CCDC91: variants seen among roughly 807,000 people sequenced by gnomAD.
CCDC91 encodes the protein coiled-coil domain containing 91.
Under a neutral mutation model 63.2 loss-of-function variants are expected in CCDC91, and 48 were observed. The observed-to-expected ratio is 0.76, with a 90% confidence interval of 0.60 to 0.97. CCDC91 has a LOEUF of 0.97. Ranked by LOEUF, CCDC91 falls within the 50% of genes least tolerant of loss-of-function variation. CCDC91 has a pLI of 0.00. For synonymous variants in CCDC91, 167 were observed against 165.8 expected, an observed-to-expected ratio of 1.01 and a Z score of -0.06; for missense variants, 500 against 494.6, an observed-to-expected ratio of 1.01 and a Z score of -0.10.
At chr12:28,228,885 G>C (rs1010342928) in intron 1 of CCDC91, among the ~76,000 whole-genome samples, 6 of 152,020 alleles carry the variant, frequency 3.9e-5, no homozygotes, top group African/African-American at 1.4e-4. Flanking sequence ...CTCAGTGTGG[G>C]TATATTTATC....
At chr12:28,432,736 A>G (rs974421889) in intron 8 of CCDC91, among the ~76,000 whole-genome samples, 4 of 152,148 alleles carry the variant, frequency 2.6e-5, no homozygotes, top group African/African-American at 9.7e-5. Flanking sequence ...GGTAAATACC[A>G]CAGAAGTGTG....
intron 12 of CCDC91, among the ~76,000 whole-genome samples, chr12:28,499,680 T>G (rs1474696815): frequency 1.3e-5 from 2 of 152,164 alleles, no homozygotes; most frequent in Non-Finnish European, 2.9e-5. Flanking sequence ...GAACTCATCC[T>G]TTTTTATGGT....
At chr12:28,510,237 A>ATGTGTGTGTGTGTGTG (rs60548491) in intron 12 of CCDC91, among the ~76,000 whole-genome samples, 3,947 of 149,106 alleles carry the variant, frequency 0.026, 147 homozygotes, top group African/African-American at 0.086. Flanking sequence ...TCAATAGGGC[A>ATGTGTGTGTGTGTGTG]TGTGTGTGTG....
intron 12 of CCDC91, among the ~76,000 whole-genome samples, chr12:28,533,776 G>A (rs114215474): frequency 0.012 from 1,801 of 150,224 alleles, 31 homozygotes; most frequent in African/African-American, 0.039. Flanking sequence ...ATGAGAACCA[G>A]ATTTTTAAAT....
At chr12:28,508,416 A>G (rs2141246488) in intron 12 of CCDC91, among the ~76,000 whole-genome samples, 1 of 151,672 alleles carries the variant, frequency 6.6e-6, no homozygotes, top group South Asian at 2.1e-4. Context: ...TATCCATGGG[A>G]CCTATAAGGC....
intron 6 of CCDC91, among the ~76,000 whole-genome samples, chr12:28,347,032 A>G (rs1285175568): frequency 6.6e-6 from 1 of 152,206 alleles, no homozygotes; most frequent in East Asian, 1.9e-4. Context: ...ATCAGTATAT[A>G]TGTATATATC....
rs114779196 is a variant in CCDC91 at position 28,294,876 on chromosome 12, C to T, written c.110-10773C>T. 5.9e-3 allele frequency among the ~76,000 whole-genome samples: 894 copies of T among 152,194 alleles called. 9 individuals carry two copies. The highest frequency in any genetic ancestry group is 0.02 in the African/African-American group (847 of 41,526). ...CTGGGATTACAGGTTTGAGCTACTA[C>T]GCTTGACCTAAACCTGCTTCTTTAT... is the stretch of plus-strand genomic sequence containing the variant. On this transcript the variant is annotated intron_variant, in intron 3 of 12. Transcript: ENST00000536442.
At chr12:28,197,544 G>A (rs780929113) in intron 1 of CCDC91, among the ~76,000 whole-genome samples, 2 of 152,022 alleles carry the variant, frequency 1.3e-5, no homozygotes, top group Admixed American at 6.6e-5. Flanking sequence ...AAAGGAAACT[G>A]TCTCCAAGTG....
chr12:28,397,572 A>G (rs1946367577), intron 8 of CCDC91, among the ~76,000 whole-genome samples: 1 of 152,202 alleles, frequency 6.6e-6, no homozygotes. Context: ...TTAGGTAAGC[A>G]AATATTTTGA....
chr12:28,515,145 A>T (rs1175391220), intron 12 of CCDC91, among the ~76,000 whole-genome samples: 3 of 151,480 alleles, frequency 2.0e-5, no homozygotes, highest in African/African-American at 7.3e-5. Flanking sequence ...TTTTTCCCCC[A>T]ACTGTACCAC....
chr12:28,246,276 C>CA (rs1945726866), intron 1 of CCDC91, among the ~76,000 whole-genome samples: 1 of 152,038 alleles, frequency 6.6e-6, no homozygotes, highest in Non-Finnish European at 1.5e-5. Context: ...GATTGTGAGT[C>CA]CAGATAAGCA....
rs79656162 is a variant in CCDC91, at chr12:28,318,872, A to C, written c.576+11123A>C. Among the ~76,000 whole-genome samples the C allele has an allele frequency of 7.4e-4, 113 of 152,172 alleles. 1 individual carries two copies. The highest frequency in any genetic ancestry group is 2.6e-3 in the African/African-American group (109 of 41,562). On this transcript the variant is annotated intron_variant, in intron 6 of 12. Transcript: ENST00000536442. ...TGTTTTTCTTCCGCCTTGCTACCTT[A>C]GTCATCATCCACAGTAGTAGACATT...
rs528827833 is a variant in CCDC91 at position 28,413,870 on chromosome 12, T to C, written c.762+22459T>C. 7.9e-5 allele frequency among the ~76,000 whole-genome samples: 12 copies of C among 152,368 alleles called. No individual in the cohort carries two copies. The East Asian group carries it at 1.7e-3, about 22-fold the overall frequency. Reference sequence around the variant, plus strand: ...AGTAAACAAGGTTCAGGTTGCTTAGTGTTTACCAATGATTTGTGAGTGCAA... The same window carrying C: ...AGTAAACAAGGTTCAGGTTGCTTAGCGTTTACCAATGATTTGTGAGTGCAA... On this transcript the variant is annotated intron_variant, in intron 8 of 12. Coordinates refer to ENST00000536442, the MANE Select transcript of CCDC91 (RefSeq NM_018318.5).
At chr12:28,540,621 G>A (rs1047543558) in intron 12 of CCDC91, among the ~76,000 whole-genome samples, 2 of 152,108 alleles carry the variant, frequency 1.3e-5, no homozygotes, top group South Asian at 2.1e-4. Context: ...TCATAACTTC[G>A]CTAAGCCTTA....
chr12:28,197,951 T>C (rs11049446), intron 1 of CCDC91, among the ~76,000 whole-genome samples: 39,537 of 151,884 alleles, frequency 0.26, 5,383 homozygotes, highest in Non-Finnish European at 0.31. Context: ...AATTTTGTAA[T>C]TATAGGTTTA....
At chr12:28,314,229 A>C (rs1939616536) in intron 6 of CCDC91, among the ~76,000 whole-genome samples, 1 of 151,998 alleles carries the variant, frequency 6.6e-6, no homozygotes, top group Non-Finnish European at 1.5e-5. Context: ...AAAGTGTTTC[A>C]GAGGACCTTA....
chr12:28,352,927 A>G (rs1333203735), intron 6 of CCDC91, among the ~76,000 whole-genome samples: 2 of 152,216 alleles, frequency 1.3e-5, no homozygotes, highest in African/African-American at 2.4e-5. Context: ...GAAGCCAGTC[A>G]TTGACTTCTT....
At chr12:28,450,778 A>T (rs762149549) in intron 10 of CCDC91, among the ~76,000 whole-genome samples, 28 of 151,802 alleles carry the variant, frequency 1.8e-4, no homozygotes, top group Non-Finnish European at 4.0e-4. Context: ...AACTCATCTA[A>T]ATCATGTATT....
chr12:28,545,958 A>C (rs1175674065), intron 12 of CCDC91, among the ~76,000 whole-genome samples: 1 of 152,092 alleles, frequency 6.6e-6, no homozygotes, highest in Non-Finnish European at 1.5e-5. Context: ...CTAAGATATT[A>C]AGTCATATTT....
Sources: allele counts gnomAD v4.1 joint callset (sites outside exome capture counted in the v4.1 genomes callset), GRCh38; gene constraint gnomAD v4.1.1; transcripts MANE v1.5; gene names NCBI Gene and HGNC (gene_info 2026-07-23, HGNC 2026-07-21).